Variants in PSD3 observed in about 807,000 individuals in gnomAD.
The protein encoded by PSD3 is PH and SEC7 domain-containing protein 3.
A neutral mutation model predicts 105.5 loss-of-function variants in PSD3; 49 were observed. That is an observed-to-expected ratio of 0.46 (90% confidence interval 0.37 to 0.59). The LOEUF is 0.59. Ranked by LOEUF, PSD3 falls within the 20% of genes least tolerant of loss-of-function variation. PSD3 has a pLI of 0.00. For missense variants in PSD3, 1,561 were observed against 1,263.8 expected (o/e 1.24, Z -3.57); for synonymous variants, 557 against 457.8 (o/e 1.22, Z -2.77).
chr8:19,005,064 A>C lies in PSD3; in HGVS notation c.21+8499T>G, dbSNP rs527472741. On this transcript the variant is annotated intron_variant, in intron 1 of 15. Coordinates refer to ENST00000327040, the MANE Select transcript of PSD3 (RefSeq NM_015310.4). ...CCAATAAGCACGTGAAAATATATTCATCATCATTAGTCATTAGAGAAACGA... is the reference window on the plus strand; with the variant it reads ...CCAATAAGCACGTGAAAATATATTCCTCATCATTAGTCATTAGAGAAACGA... 2.0e-5 allele frequency among the ~76,000 whole-genome samples: 3 copies of C among 152,166 alleles called. No individual in the cohort carries two copies. The East Asian group carries it at 5.8e-4, about 29-fold the overall frequency.
intron 2 of PSD3, among the ~76,000 whole-genome samples, chr8:18,923,742 G>A (rs942605333): frequency 4.6e-5 from 7 of 152,106 alleles, no homozygotes; most frequent in Non-Finnish European, 1.0e-4. Context: ...ACATTTCTCA[G>A]AATGTGTCCC....
chr8:18,858,496 T>C (rs2129454583), intron 4 of PSD3, among the ~76,000 whole-genome samples: 1 of 152,314 alleles, frequency 6.6e-6, no homozygotes, highest in East Asian at 1.9e-4. Flanking sequence ...ACTCTTCTTT[T>C]CACAAAATAT....
intron 8 of PSD3, among the ~76,000 whole-genome samples, chr8:18,793,668 A>G (rs1252132215): frequency 6.6e-6 from 1 of 152,174 alleles, no homozygotes; most frequent in Non-Finnish European, 1.5e-5. Context: ...GAGAAAACTG[A>G]ATGCCAACGA....
chr8:18,929,264 GA>G (rs1212241339), intron 2 of PSD3, among the ~76,000 whole-genome samples: 2 of 145,742 alleles, frequency 1.4e-5, no homozygotes, highest in Non-Finnish European at 3.0e-5. Context: ...AAAAAAAAAA[GA>G]GTATAACCAT....
chr8:18,615,291 A>G (rs1338810872), intron 11 of PSD3, among the ~76,000 whole-genome samples: 1 of 152,068 alleles, frequency 6.6e-6, no homozygotes, highest in African/African-American at 2.4e-5. Flanking sequence ...CTCCTGCCAA[A>G]GCACTCACCC....
intron 11 of PSD3, among the ~76,000 whole-genome samples, chr8:18,611,251 GAAAA>G (rs138669050): frequency 2.6e-4 from 34 of 128,926 alleles, no homozygotes; most frequent in Middle Eastern, 3.8e-3. Context: ...TAGGATTTTG[GAAAA>G]AAAAAAAAAA....
chr8:18,770,571 A>G (rs1807426981), intron 8 of PSD3, among the ~76,000 whole-genome samples: 1 of 152,148 alleles, frequency 6.6e-6, no homozygotes, highest in African/African-American at 2.4e-5. Flanking sequence ...CCCTTGCTGG[A>G]GGGAGCAAAC....
chr8:18,838,040 T>C (rs189297079), intron 4 of PSD3, among the ~76,000 whole-genome samples: 1 of 152,316 alleles, frequency 6.6e-6, no homozygotes, highest in East Asian at 1.9e-4. Context: ...ATTTCTCTAC[T>C]AAAGAACATA....
At chr8:18,993,869 T>A (rs567183816) in intron 1 of PSD3, among the ~76,000 whole-genome samples, 1 of 146,188 alleles carries the variant, frequency 6.8e-6, no homozygotes, top group Admixed American at 6.8e-5. Context: ...TATCAAACAA[T>A]TTGATTATAT....
At chr8:18,629,319 A>C (rs983409518) in intron 11 of PSD3, among the ~76,000 whole-genome samples, 1 of 152,024 alleles carries the variant, frequency 6.6e-6, no homozygotes, top group African/African-American at 2.4e-5. Flanking sequence ...TATATTTAGC[A>C]TATGGTGAAG....
At chr8:18,671,767 G>A (rs1164174452) in intron 9 of PSD3, among the ~76,000 whole-genome samples, 1 of 152,016 alleles carries the variant, frequency 6.6e-6, no homozygotes, top group African/African-American at 2.4e-5. Context: ...GAATAGCTGG[G>A]ACTATAGGTG....
chr8:19,053,784 G>C (rs945257297), intron 1 of PSD3, among the ~76,000 whole-genome samples: 6 of 152,180 alleles, frequency 3.9e-5, no homozygotes, highest in African/African-American at 1.4e-4. Flanking sequence ...AGATCTGTGA[G>C]GGAAGGATTT....
intron 9 of PSD3, among the ~76,000 whole-genome samples, chr8:18,665,837 C>T (rs970828522): frequency 2.0e-5 from 3 of 152,118 alleles, no homozygotes; most frequent in African/African-American, 4.8e-5. Context: ...GGTGAGACAG[C>T]GAGACCCAGT....
chr8:18,874,722 A>C (rs1817620340), intron 2 of PSD3, among the ~76,000 whole-genome samples: 2 of 151,202 alleles, frequency 1.3e-5, no homozygotes, highest in African/African-American at 2.4e-5. Flanking sequence ...AAAAAAAAAA[A>C]AAATTTGATT....
intron 8 of PSD3, among the ~76,000 whole-genome samples, chr8:18,768,343 G>A (rs1253186999): frequency 1.3e-5 from 2 of 152,030 alleles, no homozygotes; most frequent in African/African-American, 2.4e-5. Flanking sequence ...GGTGGCTCAT[G>A]CCTATAATCC....
At chr8:18,996,877 T>A (rs1377988115) in intron 1 of PSD3, among the ~76,000 whole-genome samples, 1 of 151,952 alleles carries the variant, frequency 6.6e-6, no homozygotes, top group Non-Finnish European at 1.5e-5. Context: ...GACATCTCCA[T>A]TGCTAAATCC....
rs970449456 is a variant in PSD3 at position 18,861,835 on chromosome 8, C to T, written c.1634+5839G>A. Among the ~76,000 whole-genome samples, 6 of 152,150 alleles carry T rather than the reference C, an allele frequency of 3.9e-5. No homozygotes were observed. In the South Asian group the frequency reaches 1.2e-3, roughly 32 times the overall value. The stretch of plus-strand genomic sequence containing the variant: ...TGCACATTGGTTGATAAGGCTATTT[C>T]CATCTTACCAATAAGCAATCAGAAG... On this transcript the variant is annotated intron_variant, in intron 4 of 15. Transcript: ENST00000327040.
intron 15 of PSD3, among the ~76,000 whole-genome samples, chr8:18,548,238 T>TTC (rs1800564240): frequency 6.6e-6 from 1 of 152,182 alleles, no homozygotes; most frequent in African/African-American, 2.4e-5. Flanking sequence ...AACTCTTGTA[T>TTC]TCTTATCTTT....
intron 13 of PSD3, among the ~76,000 whole-genome samples, 154 bp from the exon 14 acceptor site, chr8:18,572,826 C>T (rs1332886187): frequency 1.3e-5 from 2 of 152,160 alleles, no homozygotes; most frequent in African/African-American, 2.4e-5. Context: ...TAGAGATGAA[C>T]ATTGTCATTC....
Sources: gnomAD v4.1 joint callset for allele counts (sites outside exome capture counted in the v4.1 genomes callset) on GRCh38, gnomAD v4.1.1 for gene constraint, MANE v1.5 for transcripts, NCBI Gene and HGNC (gene_info 2026-07-23, HGNC 2026-07-21) for gene names.